Variants in RPL22 observed in about 807,000 individuals in gnomAD.
RPL22 encodes ribosomal protein L22.
RPL22 carries 4 observed loss-of-function variants against 16.2 expected under a neutral mutation model. The ratio of observed to expected loss-of-function variants is 0.25; its 90% confidence interval spans 0.12 to 0.57. The LOEUF is 0.57. Among genes scored for constraint, RPL22 ranks in the 20% least tolerant of loss-of-function variants. The pLI is 0.92. For missense variants in RPL22, 83 were observed against 156.1 expected (o/e 0.53, Z 2.49); for synonymous variants, 43 against 54.8 (o/e 0.78, Z 0.95).
chr1:6,197,221 G>T (rs1055781024), intron 2 of RPL22, among the ~76,000 whole-genome samples: 1 of 152,138 alleles, frequency 6.6e-6, no homozygotes, highest in Non-Finnish European at 1.5e-5. Context: ...TAGTGGAGAC[G>T]GGGTTTCACT....
At chr1:6,191,237 G>A (rs1347388814) in intron 3 of RPL22, among the ~76,000 whole-genome samples, 1 of 151,052 alleles carries the variant, frequency 6.6e-6, no homozygotes, top group Non-Finnish European at 1.5e-5. Context: ...GCAGACACCT[G>A]TAATCCCAGC....
intron 3 of RPL22, among the ~76,000 whole-genome samples, chr1:6,191,209 A>T (rs1054099213): frequency 2.6e-4 from 39 of 150,614 alleles, no homozygotes; most frequent in Admixed American, 1.3e-3. Context: ...AAACAAAAAA[A>T]ATTAGCCACG....
At chr1:6,187,922 AAC>A (rs1394313232) in intron 3 of RPL22, among the ~76,000 whole-genome samples, 2 of 152,312 alleles carry the variant, frequency 1.3e-5, no homozygotes, top group Non-Finnish European at 2.9e-5. Flanking sequence ...CTCACCACCC[AAC>A]ACACAGGGAC....
chr1:6,192,895 T>G lies in RPL22; in HGVS notation c.242+35A>C. ...GGGAAAAGGCGGGCTGGGCACTGGG[T>G]GCACGCAGGCCACACACACACTTCC... On this transcript the variant is annotated intron_variant, in intron 3 of 3. Coordinates refer to ENST00000234875, the MANE Select transcript of RPL22 (RefSeq NM_000983.4). 3 of 1,593,738 alleles carry G rather than the reference T, an allele frequency of 1.9e-6. No individual in the cohort carries two copies. The South Asian group carries it at 3.3e-5, about 18-fold the overall frequency.
At chr1:6,188,811 C>T (rs1433938514) in intron 3 of RPL22, among the ~76,000 whole-genome samples, 7 of 145,434 alleles carry the variant, frequency 4.8e-5, no homozygotes, top group African/African-American at 1.0e-4. Flanking sequence ...TTTTTTGAGA[C>T]GGAGTTTCGC....
chr1:6,199,468 G>A lies in RPL22; in HGVS notation c.12+94C>T, dbSNP rs1164113222. ...CAGCCCACCCCAGCAGGACGCTGCAGGGCGCCGTCCCCAGCGAGCCTGGGT... is the reference window on the plus strand; with the variant it reads ...CAGCCCACCCCAGCAGGACGCTGCAAGGCGCCGTCCCCAGCGAGCCTGGGT... On this transcript the variant is annotated intron_variant, in intron 1 of 3. Transcript: ENST00000234875. 6 of 1,513,966 alleles carry A rather than the reference G, an allele frequency of 4.0e-6. No homozygotes were observed. In the East Asian group the frequency reaches 7.5e-5, roughly 19 times the overall value. 93.8% of individuals were successfully genotyped at this position (1,513,966 alleles called of 1,614,324 possible).
chr1:6,199,259 G>C (rs375580386), intron 1 of RPL22: 2 of 501,314 alleles, frequency 4.0e-6, no homozygotes, highest in Admixed American at 4.6e-5. Context: ...CCCCCGGCCG[G>C]GGTCCGAGGA....
At chr1:6,195,340 G>A (rs1025433210) in intron 2 of RPL22, among the ~76,000 whole-genome samples, 9 of 151,592 alleles carry the variant, frequency 5.9e-5, no homozygotes, top group African/African-American at 1.9e-4. Flanking sequence ...AGCTATTCGG[G>A]AGGCTGAGGC....
intron 3 of RPL22, among the ~76,000 whole-genome samples, chr1:6,191,261 G>A (rs1198855114): frequency 1.3e-5 from 2 of 149,910 alleles, no homozygotes; most frequent in Non-Finnish European, 3.0e-5. Flanking sequence ...TCAGGAGGCT[G>A]AGGTAGGAGA....
rs565507949 is a variant in RPL22, at chr1:6,191,668, C to CT, written c.242+1261dup. On this transcript the variant is annotated intron_variant, in intron 3 of 3. Transcript: ENST00000234875. ...CCAGCCTGGGCAACAAAGCGAGACTCTGTCTCCAAAAAAAAAAAAAAAGAA... is the reference window on the plus strand; with the variant it reads ...CCAGCCTGGGCAACAAAGCGAGACTCTTGTCTCCAAAAAAAAAAAAAAAGAA... 2.3e-3 allele frequency among the ~76,000 whole-genome samples: 332 copies of CT among 141,556 alleles called. 3 individuals carry two copies. Among genetic ancestry groups the CT allele is most frequent in the African/African-American group, 8.6e-3 (326 of 37,698 alleles). The allele number at this position is 141,556 out of a possible 152,430, so 92.9% of individuals were successfully genotyped here. A position where few individuals can be genotyped will look rare whatever the true frequency, so the allele number is the denominator to read the frequency against.
chr1:6,185,438 C>G lies in RPL22; in HGVS notation c.*1234G>C, dbSNP rs1667572011. On this transcript the variant is annotated 3_prime_UTR_variant, in exon 4 of 4. Transcript: ENST00000234875. Reference sequence around the variant, plus strand: ...TGGAAAAATGCCAGAGCCTTTAACACAAGTGAAATTGCAAAGCCTCAACAC... The same window carrying G: ...TGGAAAAATGCCAGAGCCTTTAACAGAAGTGAAATTGCAAAGCCTCAACAC... The G allele has an allele frequency of 1.3e-5, 5 of 398,694 alleles. No individual in the cohort carries two copies. The East Asian group carries it at 1.8e-4, about 14-fold the overall frequency. The allele number at this position is 398,694 out of a possible 1,614,324, so 24.7% of individuals were successfully genotyped here.
Position 6,192,925 on chromosome 1 carries a change from T to A in RPL22, c.242+5A>T. 6.2e-7 allele frequency: 1 copy of A among 1,612,642 alleles called. No homozygotes were observed. Among genetic ancestry groups the A allele is most frequent in the Non-Finnish European group, 8.5e-7 (1 of 1,179,898 alleles). On this transcript the variant is annotated splice_donor_5th_base_variant and intron_variant, in intron 3 of 3. Coordinates refer to ENST00000234875, the MANE Select transcript of RPL22 (RefSeq NM_000983.4). ...GCAGGCCACACACACACTTCCCTCC[T>A]GTACCTTTTGGAGAAAGGCACCTCG... is the stretch of plus-strand genomic sequence containing the variant.
Position 6,185,708 on chromosome 1 carries a change from A to G in RPL22, c.*964T>C. The G allele has an allele frequency of 3.8e-6, 1 of 265,276 alleles. No homozygotes were observed. Among genetic ancestry groups the G allele is most frequent in the East Asian group, 5.5e-5 (1 of 18,144 alleles). 16.4% of individuals were successfully genotyped at this position (265,276 alleles called of 1,614,324 possible). A position where few individuals can be genotyped will look rare whatever the true frequency, so the allele number is the denominator to read the frequency against. ...TCTTTCAAAGTCACTCACAGCAACA[A>G]TTGCATTTTTTTCCCAGCCTTGGTA... On this transcript the variant is annotated 3_prime_UTR_variant, in exon 4 of 4. Transcript: ENST00000234875.
intron 1 of RPL22, chr1:6,199,350 C>G: frequency 6.9e-6 from 9 of 1,307,104 alleles, no homozygotes; most frequent in South Asian, 2.3e-5. Flanking sequence ...TCCGAGACCT[C>G]CCGGATCTCC....
chr1:6,188,727 C>T (rs977382072), intron 3 of RPL22, among the ~76,000 whole-genome samples: 1 of 152,046 alleles, frequency 6.6e-6, no homozygotes, highest in African/African-American at 2.4e-5. Context: ...AAGGGGATCC[C>T]TGCTACTAAC....
intron 3 of RPL22, among the ~76,000 whole-genome samples, chr1:6,189,607 C>T (rs1295547193): frequency 7.7e-6 from 1 of 130,140 alleles, no homozygotes; most frequent in Non-Finnish European, 1.5e-5. Flanking sequence ...GGAAAAAAAT[C>T]AGGTTAAAAA....
At position 6,187,539 on chromosome 1, in the gene RPL22, G is replaced by A. The variant is rs185956882; in HGVS notation, c.243-723C>T. Among the ~76,000 whole-genome samples, 753 of 151,066 alleles carry A rather than the reference G, an allele frequency of 5.0e-3. 3 individuals carry two copies. Among genetic ancestry groups the A allele is most frequent in the African/African-American group, 0.017 (684 of 41,060 alleles). ...TGAGGTAAGAGAATCGCTTGAACCCGGGAGGCAGAGGCTGCAGTGAGCCGA... is the reference window on the plus strand; with the variant it reads ...TGAGGTAAGAGAATCGCTTGAACCCAGGAGGCAGAGGCTGCAGTGAGCCGA... On this transcript the variant is annotated intron_variant, in intron 3 of 3. Coordinates refer to ENST00000234875, the MANE Select transcript of RPL22 (RefSeq NM_000983.4).
chr1:6,186,836 G>C lies in RPL22; in HGVS notation c.243-20C>G, dbSNP rs776576619. 1 of 1,612,732 alleles carries C rather than the reference G, an allele frequency of 6.2e-7. No homozygotes were observed. Among genetic ancestry groups the C allele is most frequent in the Non-Finnish European group, 8.5e-7 (1 of 1,179,526 alleles). On this transcript the variant is annotated intron_variant, in intron 3 of 3. Coordinates refer to ENST00000234875, the MANE Select transcript of RPL22 (RefSeq NM_000983.4). ...AAATACCTGCAGAGAAAGGACACAA[G>C]AACTCCACTAGACAGTTGGTGCTTG...
chr1:6,199,383 C>T (rs1037800567), intron 1 of RPL22, 179 bp downstream of exon 1: 5 of 1,334,204 alleles, frequency 3.7e-6, no homozygotes, highest in Non-Finnish European at 4.8e-6. Flanking sequence ...GGGCCGCGGC[C>T]TCCTCCGCCT....
Sources: gnomAD v4.1 joint callset for allele counts (sites outside exome capture counted in the v4.1 genomes callset) on GRCh38, gnomAD v4.1.1 for gene constraint, MANE v1.5 for transcripts, NCBI Gene and HGNC (gene_info 2026-07-23, HGNC 2026-07-21) for gene names.